ADGRG4: variants seen among roughly 807,000 people sequenced by gnomAD.
ADGRG4 encodes adhesion G protein-coupled receptor G4, also known as G protein-coupled receptor 112.
A neutral mutation model predicts 126.2 loss-of-function variants in ADGRG4; 122 were observed. That is an observed-to-expected ratio of 0.97 (90% CI 0.83 to 1.12). ADGRG4 has a LOEUF of 1.12. ADGRG4 is among the 50% of genes most tolerant of loss of function. The pLI is 0.00. For missense variants in ADGRG4, 2,481 were observed against 2,251.8 expected (o/e 1.10, Z -2.06); for synonymous variants, 943 against 838.7 (o/e 1.12, Z -2.15).
At position 136,345,980 on chromosome X, in the gene ADGRG4, T is replaced by C; in HGVS notation, c.2274T>C (p.Thr758=). ...ATATGCCTGAATTTAAACTTACCAC[T>C]TTACTACTAAAAACAATACCTATGT... is the stretch of plus-strand genomic sequence containing the variant. ...ITNMPEFKLT[T]LLLKTIPMST... Residue 758 remains threonine (T), a synonymous_variant, in exon 6 of 26, where the codon ACT becomes ACC. Coordinates refer to ENST00000394143, the MANE Select transcript of ADGRG4 (RefSeq NM_153834.4). The C allele has an allele frequency of 8.3e-7, 1 of 1,209,733 alleles. No homozygotes were observed. The highest frequency in any genetic ancestry group is 1.8e-5 in the South Asian group (1 of 56,589).
chrX:136,363,215 A>G (rs1038488761), intron 12 of ADGRG4, among the ~76,000 whole-genome samples: 3 of 111,502 alleles, frequency 2.7e-5, no homozygotes, highest in African/African-American at 9.8e-5. Context: ...TCAGTAGGAC[A>G]TTGCCATGCC....
At chrX:136,353,230 A>C (rs951172304) in intron 7 of ADGRG4, 107 bp from the exon 8 acceptor site, 93 of 544,683 alleles carry the variant, frequency 1.7e-4, no homozygotes, top group Middle Eastern at 4.7e-4. Flanking sequence ...ATGTTGAGCC[A>C]GCTGAAATAA....
Position 136,363,487 on chromosome X carries a change from A to G in ADGRG4, c.7288A>G (p.Ile2430Val). ...GNATRFCSIS[I>V]NTGKSQWEKP... ...TCCTCTCTTTTTCAGTTCAATCAGC[A>G]TCAACACGGGCAAATCTCAGTGGGA... is the stretch of plus-strand genomic sequence containing the variant. The change falls in exon 13 of 26, where the codon ATC becomes GTC. Residue 2430 changes from isoleucine (I) to valine (V), a missense_variant. Ile to Val is a conservative substitution (Grantham distance 29, BLOSUM62 3). Transcript: ENST00000394143. The G allele has an allele frequency of 8.5e-7, 1 of 1,181,692 alleles. No homozygotes were observed. The highest frequency in any genetic ancestry group is 1.2e-6 in the Non-Finnish European group (1 of 868,127).
chrX:136,361,650 A>G (rs2075129892), intron 12 of ADGRG4, 63 bp downstream of exon 12: 5 of 865,724 alleles, frequency 5.8e-6, no homozygotes, highest in Non-Finnish European at 6.3e-6. Context: ...AATTGGGGAC[A>G]TGTTTCTATG....
At position 136,380,577 on chromosome X, in the gene ADGRG4, TTCCTCC is replaced by T. The variant is rs1161020229; in HGVS notation, c.7777-7139_7777-7134del. Among the ~76,000 whole-genome samples the T allele has an allele frequency of 9.4e-3, 794 of 84,042 alleles. 9 individuals are homozygous for T. Among genetic ancestry groups the T allele is most frequent in the African/African-American group, 0.027 (596 of 22,101 alleles). The allele number at this position is 84,042 out of a possible 115,157, so 73.0% of individuals were successfully genotyped here. The stretch of plus-strand genomic sequence containing the variant: ...CTTCTTCTTCTTCTTCCTCTTCTTC[TTCCTCC>T]TCCTCCTCCTCCTCCTCCTCCTCTT... On this transcript the variant is annotated intron_variant, in intron 15 of 25. Transcript: ENST00000394143.
chrX:136,411,527 G>A (rs1374383542), intron 23 of ADGRG4, among the ~76,000 whole-genome samples: 1 of 112,671 alleles, frequency 8.9e-6, no homozygotes, highest in Non-Finnish European at 1.9e-5. Context: ...GTGTCATTAT[G>A]CCAAAAAGCA....
intron 16 of ADGRG4, among the ~76,000 whole-genome samples, chrX:136,388,394 A>G (rs2075302862): frequency 8.9e-6 from 1 of 112,312 alleles, no homozygotes; most frequent in South Asian, 3.7e-4. Flanking sequence ...GTGATGCTGA[A>G]GAGTGTGGAC....
chrX:136,363,657 C>T, intron 13 of ADGRG4, 62 bp downstream of exon 13: 1 of 750,304 alleles, frequency 1.3e-6, no homozygotes, highest in South Asian at 2.2e-5. Context: ...CCTACTTGAC[C>T]CCAAACCAGA....
chrX:136,394,765 C>T (rs2075337748), intron 18 of ADGRG4, among the ~76,000 whole-genome samples: 1 of 112,328 alleles, frequency 8.9e-6, no homozygotes, highest in African/African-American at 3.2e-5. Context: ...CCGGGGATAA[C>T]CCCTTTGGTC....
chrX:136,328,859 C>T (rs2074890902), intron 5 of ADGRG4, among the ~76,000 whole-genome samples: 1 of 111,289 alleles, frequency 9.0e-6, no homozygotes, highest in African/African-American at 3.3e-5. Flanking sequence ...CTGTGCTACC[C>T]TCCTTCCTCA....
chrX:136,400,187 T>C, intron 21 of ADGRG4, 71 bp downstream of exon 21: 1 of 864,964 alleles, frequency 1.2e-6, no homozygotes, highest in Non-Finnish European at 1.6e-6. Flanking sequence ...CTCTGTTAGA[T>C]TCTGTTAATA....
chrX:136,405,650 T>C, intron 22 of ADGRG4, 42 bp from the exon 23 acceptor site: 1 of 1,014,499 alleles, frequency 9.9e-7, no homozygotes, highest in Non-Finnish European at 1.3e-6. Context: ...AATAGGACTT[T>C]ATGTTTCCCT....
Position 136,350,403 on chromosome X carries a change from T to A in ADGRG4, c.6697T>A (p.Ser2233Thr), listed in dbSNP as rs1346746900. 8.3e-7 allele frequency: 1 copy of A among 1,207,950 alleles called. No individual in the cohort carries two copies. Among genetic ancestry groups the A allele is most frequent in the African/African-American group, 1.7e-5 (1 of 57,666 alleles). ...ACCTTCCTTTCTATCTACGGAAGCA[T>A]CGACTTCGCCTACTGCCACCAAGTC... is the stretch of plus-strand genomic sequence containing the variant. ...STPSFLSTEA[S>T]TSPTATKSTV... The change falls in exon 6 of 26, where the codon TCG becomes ACG. Residue 2233 changes from serine to threonine, a missense_variant. Ser to Thr is a moderately conservative substitution (Grantham distance 58). Coordinates refer to ENST00000394143, the MANE Select transcript of ADGRG4 (RefSeq NM_153834.4).
intron 16 of ADGRG4, among the ~76,000 whole-genome samples, chrX:136,390,810 T>G (rs1311768235): frequency 1.8e-5 from 2 of 110,946 alleles, no homozygotes; most frequent in Admixed American, 9.6e-5. Context: ...CTTTGGCCTT[T>G]TCACTACAGA....
chrX:136,324,682 G>T (rs1234939238), intron 5 of ADGRG4, among the ~76,000 whole-genome samples: 1 of 111,764 alleles, frequency 8.9e-6, no homozygotes, highest in Non-Finnish European at 1.9e-5. Context: ...ATTGGCCCAG[G>T]GTTGGTCAGT....
Position 136,414,492 on chromosome X carries a change from T to C in ADGRG4, c.9205+165T>C, listed in dbSNP as rs768547998. On this transcript the variant is annotated intron_variant, in intron 25 of 25. Coordinates refer to ENST00000394143, the MANE Select transcript of ADGRG4 (RefSeq NM_153834.4). ...GGCTGAGAAAGTGTGTATAGAAGCA[T>C]AGAAATGTGTACAGAAGTGTGTATA... is the stretch of plus-strand genomic sequence containing the variant. 2.7e-5 allele frequency among the ~76,000 whole-genome samples: 3 copies of C among 112,877 alleles called. No homozygotes were observed. In the South Asian group the frequency reaches 1.1e-3, roughly 41 times the overall value.
intron 5 of ADGRG4, among the ~76,000 whole-genome samples, chrX:136,331,736 T>C: frequency 8.9e-6 from 1 of 111,865 alleles, no homozygotes. Context: ...GAAATGTCTG[T>C]TCATGTGTTT....
chrX:136,365,819 C>CT (rs762325531), intron 13 of ADGRG4, among the ~76,000 whole-genome samples: 2 of 111,544 alleles, frequency 1.8e-5, no homozygotes, highest in Admixed American at 9.5e-5. Context: ...TGTGTCTTCA[C>CT]TTTTTTTTAT....
Position 136,353,326 on chromosome X carries a change from G to A in ADGRG4, c.6823-11G>A. 1 of 1,130,505 alleles carries A rather than the reference G, an allele frequency of 8.8e-7. No homozygotes were observed. The allele number at this position is 1,130,505 out of a possible 1,213,427, so 93.2% of individuals were successfully genotyped here. The stretch of plus-strand genomic sequence containing the variant: ...AGAATACTAAAACTGATTTTTTTTT[G>A]TCTTGTACAGTTGAATTCTATATTT... On this transcript the variant is annotated splice_polypyrimidine_tract_variant and intron_variant, in intron 7 of 25. Transcript: ENST00000394143.
Sources: allele counts gnomAD v4.1 joint callset (sites outside exome capture counted in the v4.1 genomes callset), GRCh38; gene constraint gnomAD v4.1.1; transcripts MANE v1.5; gene names NCBI Gene and HGNC (gene_info 2026-07-23, HGNC 2026-07-21).